The following ABHD3 variants were observed in gnomAD, a reference collection of about 807,000 sequenced individuals.
The protein encoded by ABHD3 is abhydrolase domain containing 3, phospholipase.
ABHD3 carries 46 observed loss-of-function variants against 48.8 expected under a neutral mutation model. That is an observed-to-expected ratio of 0.94 (90% CI 0.74 to 1.20). ABHD3 has a LOEUF of 1.20. Among genes scored for constraint, ABHD3 ranks in the 50% most tolerant of loss-of-function variants. The pLI, the probability that ABHD3 is intolerant of heterozygous loss-of-function variation, is 0.00. For missense variants in ABHD3, 490 were observed against 497.8 expected, an observed-to-expected ratio of 0.98 and a Z score of 0.15; for synonymous variants, 192 against 183.7, an observed-to-expected ratio of 1.04 and a Z score of -0.36.
At chr18:21,696,374 C>T (rs931918434) in intron 3 of ABHD3, among the ~76,000 whole-genome samples, 1 of 152,144 alleles carries the variant, frequency 6.6e-6, no homozygotes, top group African/African-American at 2.4e-5. Flanking sequence ...TGGTCTCACT[C>T]TCCTAACCTT....
intron 3 of ABHD3, among the ~76,000 whole-genome samples, chr18:21,684,784 G>A (rs2040094194): frequency 1.3e-5 from 2 of 152,170 alleles, no homozygotes; most frequent in Admixed American, 6.5e-5. Flanking sequence ...TCACAGGTGA[G>A]CCACAAAGAG....
chr18:21,691,590 T>C (rs1239228865), intron 3 of ABHD3, among the ~76,000 whole-genome samples: 1 of 152,236 alleles, frequency 6.6e-6, no homozygotes, highest in African/African-American at 2.4e-5. Context: ...CACTATTACA[T>C]GCCTAACTCA....
At chr18:21,684,404 G>A (rs1021158642) in intron 3 of ABHD3, among the ~76,000 whole-genome samples, 2 of 126,588 alleles carry the variant, frequency 1.6e-5, no homozygotes, top group South Asian at 2.7e-4. Flanking sequence ...TGCAACCTCC[G>A]CCTCCCAGGG....
rs2039214522 is a variant in ABHD3 at position 21,651,236 on chromosome 18, A to G, written c.*355T>C. ...TTATTAAAGTACCATTAAATCACCT[A>G]AAACAAATAATCTAAAAAAATACTA... On this transcript the variant is annotated 3_prime_UTR_variant, in exon 9 of 9. Transcript: ENST00000289119. The G allele has an allele frequency of 6.2e-6, 1 of 162,194 alleles. No homozygotes were observed. Among genetic ancestry groups the G allele is most frequent in the Non-Finnish European group, 1.4e-5 (1 of 73,744 alleles). The allele number at this position is 162,194 out of a possible 1,614,324, so 10.0% of individuals were successfully genotyped here.
At position 21,659,351 on chromosome 18, in the gene ABHD3, G is replaced by C; in HGVS notation, c.669-8C>G. Reference sequence around the variant, plus strand: ...TAATTTAGAAGCAGCATTCTAAAATGGGGAGAAACAGGAAACTCAGTGATT... The same window carrying C: ...TAATTTAGAAGCAGCATTCTAAAATCGGGAGAAACAGGAAACTCAGTGATT... On this transcript the variant is annotated splice_polypyrimidine_tract_variant and splice_region_variant and intron_variant, in intron 5 of 8. Transcript: ENST00000289119. The C allele has an allele frequency of 6.2e-7, 1 of 1,601,474 alleles. No individual in the cohort carries two copies. The highest frequency in any genetic ancestry group is 8.5e-7 in the Non-Finnish European group (1 of 1,175,460).
chr18:21,651,615 A>C lies in ABHD3; in HGVS notation c.1206T>G (p.Val402=), dbSNP rs1394911878. The C allele has an allele frequency of 6.2e-7, 1 of 1,614,156 alleles. No individual in the cohort carries two copies. The highest frequency in any genetic ancestry group is 8.5e-7 in the Non-Finnish European group (1 of 1,180,018). ...RVFKQFVQAM[V]EHGHELS is the part of the protein sequence containing the mutation. ...GTTAAGAGAGTTCATGTCCATGCTCAACCATGGCTTGCACAAATTGCTTGA... is the reference window on the plus strand; with the variant it reads ...GTTAAGAGAGTTCATGTCCATGCTCCACCATGGCTTGCACAAATTGCTTGA... The change falls in exon 9 of 9, where the codon GTT becomes GTG. Residue 402 remains valine (V), a synonymous_variant. Transcript: ENST00000289119.
chr18:21,695,843 C>A (rs768837167), intron 3 of ABHD3, among the ~76,000 whole-genome samples: 1 of 152,184 alleles, frequency 6.6e-6, no homozygotes, highest in Non-Finnish European at 1.5e-5. Flanking sequence ...TGCTGCTGCA[C>A]AGTCTTTGCC....
At chr18:21,666,272 C>A (rs908969903) in intron 4 of ABHD3, among the ~76,000 whole-genome samples, 1 of 152,180 alleles carries the variant, frequency 6.6e-6, no homozygotes, top group Non-Finnish European at 1.5e-5. Flanking sequence ...TGGCTCACTG[C>A]AACCTCTGCC....
At chr18:21,693,178 T>C (rs2040291530) in intron 3 of ABHD3, among the ~76,000 whole-genome samples, 1 of 152,218 alleles carries the variant, frequency 6.6e-6, no homozygotes, top group African/African-American at 2.4e-5. Context: ...TCCTAAGCCA[T>C]ACAATGGTCC....
chr18:21,662,557 T>C (rs1211347660), intron 5 of ABHD3, among the ~76,000 whole-genome samples: 1 of 152,190 alleles, frequency 6.6e-6, no homozygotes, highest in Non-Finnish European at 1.5e-5. Flanking sequence ...TCATAGGCTC[T>C]ATCACAGGGA....
intron 4 of ABHD3, among the ~76,000 whole-genome samples, chr18:21,677,035 G>A (rs1018082755): frequency 2.6e-5 from 4 of 151,872 alleles, no homozygotes; most frequent in Non-Finnish European, 5.9e-5. Context: ...AGCAATCATC[G>A]TCCACCTCAA....
chr18:21,685,416 C>A (rs2040108809), intron 3 of ABHD3, among the ~76,000 whole-genome samples: 1 of 152,076 alleles, frequency 6.6e-6, no homozygotes, highest in South Asian at 2.1e-4. Flanking sequence ...AACTGAAAAG[C>A]CATATAGAAA....
Position 21,656,926 on chromosome 18 carries a change from A to T in ABHD3, c.992T>A (p.Leu331Gln). The T allele has an allele frequency of 6.2e-7, 1 of 1,613,946 alleles. No homozygotes were observed. Among genetic ancestry groups the T allele is most frequent in the Non-Finnish European group, 8.5e-7 (1 of 1,179,846 alleles). ...CAATACTGGAATTCCTACTGACTTC[A>T]GTCTAGGACTCGGACTGGCATCAGT... is the stretch of plus-strand genomic sequence containing the variant. ...YYTDASPSPR[L>Q]KSVGIPVLCL... is the part of the protein sequence containing the mutation. The change falls in exon 8 of 9, where the codon CTG (leucine) becomes CAG (glutamine). Residue 331 changes from leucine (L) to glutamine (Q), a missense_variant. Transcript: ENST00000289119.
intron 4 of ABHD3, among the ~76,000 whole-genome samples, chr18:21,679,572 A>G (rs1478683662): frequency 1.3e-5 from 2 of 152,246 alleles, no homozygotes; most frequent in East Asian, 3.8e-4. Flanking sequence ...TCTGTCGCCC[A>G]GGCTGGAGTG....
chr18:21,664,854 T>G (rs1257523128), intron 4 of ABHD3, among the ~76,000 whole-genome samples: 2 of 152,186 alleles, frequency 1.3e-5, no homozygotes, highest in Admixed American at 1.3e-4. Flanking sequence ...AGGTTGGTCT[T>G]GAACTCCTGG....
intron 8 of ABHD3, among the ~76,000 whole-genome samples, chr18:21,656,179 TTC>T (rs2039345497): frequency 1.3e-5 from 2 of 152,190 alleles, no homozygotes; most frequent in South Asian, 4.2e-4. Flanking sequence ...CTGAATAATT[TTC>T]TTTTTTTTTA....
chr18:21,688,617 A>G (rs372891832), intron 3 of ABHD3, among the ~76,000 whole-genome samples: 3 of 152,326 alleles, frequency 2.0e-5, no homozygotes, highest in East Asian at 3.9e-4. Context: ...CCATATTTTC[A>G]GTTGAGTGAC....
In ABHD3 at chr18:21,684,311, CTTTTTTTT is replaced by C. The variant is rs564516602; in HGVS notation, c.510-354_510-347del. ...TACAAGTCAAATTTAAATGTTTTTG[CTTTTTTTT>C]TTTTTTTTTTTTTTTGAGATGGAGT... On this transcript the variant is annotated intron_variant, in intron 3 of 8. Coordinates refer to ENST00000289119, the MANE Select transcript of ABHD3 (RefSeq NM_138340.5). 1.6e-3 allele frequency among the ~76,000 whole-genome samples: 132 copies of C among 82,818 alleles called. No homozygotes were observed. In the East Asian group the frequency reaches 0.036, roughly 22 times the overall value. 54.3% of individuals were successfully genotyped at this position (82,818 alleles called of 152,430 possible).
chr18:21,674,118 T>C (rs1170593714), intron 4 of ABHD3, among the ~76,000 whole-genome samples: 1 of 152,150 alleles, frequency 6.6e-6, no homozygotes, highest in Admixed American at 6.6e-5. Context: ...TATGGGGAAG[T>C]ACTCCCAAAC....
Sources: allele counts gnomAD v4.1 joint callset (sites outside exome capture counted in the v4.1 genomes callset), GRCh38; gene constraint gnomAD v4.1.1; transcripts MANE v1.5; gene names NCBI Gene and HGNC (gene_info 2026-07-23, HGNC 2026-07-21).